The following RAD17 variants were observed in gnomAD, a reference collection of about 807,000 sequenced individuals.
RAD17 encodes cell cycle checkpoint protein RAD17.
In RAD17, 31 loss-of-function variants were observed where a neutral mutation model predicts 81.5. That is an observed-to-expected ratio of 0.38 (90% CI 0.29 to 0.51). The LOEUF is 0.51. RAD17 is among the 20% of genes least tolerant of loss of function. The probability of loss-of-function intolerance (pLI) is 0.88; values close to 1 mark genes in which losing one functional copy is unlikely to be tolerated. For synonymous variants in RAD17, 261 were observed against 266.2 expected, an observed-to-expected ratio of 0.98 and a Z score of 0.19; for missense variants, 681 against 781.2, an observed-to-expected ratio of 0.87 and a Z score of 1.53.
intron 4 of RAD17, among the ~76,000 whole-genome samples, chr5:69,372,899 C>G (rs773768343): frequency 2.9e-4 from 44 of 152,268 alleles, no homozygotes; most frequent in Non-Finnish European, 5.3e-4. Context: ...TGTGAGCTAC[C>G]ACACCCAACC....
intron 7 of RAD17, among the ~76,000 whole-genome samples, chr5:69,382,885 G>A (rs538238633): frequency 6.6e-6 from 1 of 152,156 alleles, no homozygotes; most frequent in East Asian, 1.9e-4. Context: ...CCAGACTCAA[G>A]CTATTCTCAT....
At chr5:69,410,965 C>CTGTCTATA (rs35777347) in intron 18 of RAD17, among the ~76,000 whole-genome samples, 2 of 90,262 alleles carry the variant, frequency 2.2e-5, no homozygotes, top group African/African-American at 4.9e-5. Context: ...AGATGTCTGT[C>CTGTCTATA]TATATATATA....
intron 6 of RAD17, among the ~76,000 whole-genome samples, chr5:69,380,716 A>G (rs1419659520): frequency 6.6e-6 from 1 of 151,824 alleles, no homozygotes; most frequent in East Asian, 1.9e-4. Context: ...TGGGATCCAC[A>G]ACCTCTAGTC....
intron 6 of RAD17, among the ~76,000 whole-genome samples, chr5:69,377,463 A>ACG (rs1561238815): frequency 0.028 from 166 of 5,914 alleles, 1 homozygote; most frequent in Non-Finnish European, 0.11. Context: ...ATATATATAT[A>ACG]TATATATATA....
At chr5:69,369,498 G>A (rs755453354), upstream of RAD17, 29 of 1,611,444 alleles carry the variant, frequency 1.8e-5, no homozygotes, top group South Asian at 3.3e-5. Context: ...CATGGTCCCC[G>A]CCGCGACGGC....
intron 17 of RAD17, among the ~76,000 whole-genome samples, chr5:69,406,858 C>T (rs1393260809): frequency 6.6e-6 from 1 of 151,692 alleles, no homozygotes; most frequent in African/African-American, 2.4e-5. Flanking sequence ...GTGTCTTTGC[C>T]ACAAAAATAA....
Position 69,386,393 on chromosome 5 carries a change from T to TA in RAD17, c.825-2dup. The TA allele has an allele frequency of 1.6e-5, 25 of 1,594,368 alleles. No homozygotes were observed. Among genetic ancestry groups the TA allele is most frequent in the Non-Finnish European group, 2.1e-5 (25 of 1,173,144 alleles). On this transcript the variant is annotated splice_region_variant and splice_polypyrimidine_tract_variant and intron_variant, in intron 10 of 18. Coordinates refer to ENST00000354868, the MANE Select transcript of RAD17 (RefSeq NM_133338.3). ...AACTGCTATCTTTCTTTATAAAACT[T>TA]AGTTTCAACCCTGTGGCACCAACAA...
At chr5:69,369,419 C>A, upstream of RAD17, 7 of 1,602,686 alleles carry the variant, frequency 4.4e-6, no homozygotes, top group Non-Finnish European at 6.0e-6. Flanking sequence ...ACTCTGCGCC[C>A]CCAGCCTGCC....
chr5:69,374,903 A>G (rs1387642852), intron 6 of RAD17, among the ~76,000 whole-genome samples, 192 bp downstream of exon 6: 1 of 152,176 alleles, frequency 6.6e-6, no homozygotes, highest in Non-Finnish European at 1.5e-5. Flanking sequence ...AGGCAGGAGG[A>G]TCACTTGAGC....
chr5:69,412,113 C>T (rs1359632996), intron 18 of RAD17, among the ~76,000 whole-genome samples: 1 of 152,062 alleles, frequency 6.6e-6, no homozygotes, highest in Non-Finnish European at 1.5e-5. Flanking sequence ...CCCGCCACCA[C>T]GCCCAGCTAA....
chr5:69,399,408 A>G (rs890033320), intron 16 of RAD17, among the ~76,000 whole-genome samples: 2 of 152,156 alleles, frequency 1.3e-5, no homozygotes, highest in African/African-American at 4.8e-5. Flanking sequence ...TGACTTCTGT[A>G]ATATCTGAAT....
At chr5:69,371,645 C>A in intron 3 of RAD17, 88 bp downstream of exon 3, 2 of 658,642 alleles carry the variant, frequency 3.0e-6, no homozygotes, top group Non-Finnish European at 4.4e-6. Context: ...TTACTGCTAT[C>A]AAAGTAATAG....
At chr5:69,386,650 C>G (rs1298123015) in intron 11 of RAD17, among the ~76,000 whole-genome samples, 185 bp downstream of exon 11, 2 of 152,112 alleles carry the variant, frequency 1.3e-5, no homozygotes, top group African/African-American at 4.8e-5. Context: ...CATTTTTCTA[C>G]TATTAAACTT....
intron 17 of RAD17, among the ~76,000 whole-genome samples, chr5:69,407,737 C>A (rs76403621): frequency 6.6e-6 from 1 of 151,876 alleles, no homozygotes; most frequent in Admixed American, 6.6e-5. Context: ...CCGCTATGCC[C>A]GGCGGGGTTT....
At chr5:69,375,999 T>C (rs1385603512) in intron 6 of RAD17, among the ~76,000 whole-genome samples, 4 of 152,216 alleles carry the variant, frequency 2.6e-5, no homozygotes, top group Admixed American at 2.6e-4. Flanking sequence ...CTGCATTTCC[T>C]ATAACCTGAA....
At chr5:69,375,622 G>C (rs1763285595) in intron 6 of RAD17, among the ~76,000 whole-genome samples, 1 of 38,260 alleles carries the variant, frequency 2.6e-5, no homozygotes, top group South Asian at 7.3e-4. Flanking sequence ...AGATACTTCA[G>C]TATGTCTGTT....
intron 11 of RAD17, among the ~76,000 whole-genome samples, chr5:69,388,404 G>A (rs1240336852): frequency 6.6e-6 from 1 of 151,982 alleles, no homozygotes; most frequent in African/African-American, 2.4e-5. Flanking sequence ...GGGTTTTTTT[G>A]TGTGTACACA....
intron 18 of RAD17, among the ~76,000 whole-genome samples, chr5:69,412,105 C>T (rs983964199): frequency 3.9e-5 from 6 of 152,168 alleles, no homozygotes; most frequent in Middle Eastern, 3.4e-3. Flanking sequence ...TACAGGCGCC[C>T]GCCACCACGC....
At chr5:69,377,562 T>TACATATATATGCATATATATATGTATAC (rs372413416) in intron 6 of RAD17, among the ~76,000 whole-genome samples, 1 of 3,618 alleles carries the variant, frequency 2.8e-4, no homozygotes, top group East Asian at 0.013. Context: ...TATATATGTA[T>TACATATATATGCATATATATATGTATAC]ATATATATGC....
Sources: gnomAD v4.1 joint callset for allele counts (sites outside exome capture counted in the v4.1 genomes callset) on GRCh38, gnomAD v4.1.1 for gene constraint, MANE v1.5 for transcripts, NCBI Gene and HGNC (gene_info 2026-07-23, HGNC 2026-07-21) for gene names.